The following DCC variants were observed in gnomAD, a reference collection of about 807,000 sequenced individuals.
The protein encoded by DCC is netrin receptor DCC.
DCC carries 58 observed loss-of-function variants against 172.5 expected under a neutral mutation model. The ratio of observed to expected loss-of-function variants is 0.34; its 90% confidence interval spans 0.27 to 0.42. DCC has a LOEUF of 0.42. Ranked by LOEUF, DCC falls within the 10% of genes least tolerant of loss-of-function variation. The pLI is 1.00. For missense variants in DCC, 1,740 were observed against 1,791.0 expected, an observed-to-expected ratio of 0.97 and a Z score of 0.51; for synonymous variants, 709 against 644.5, an observed-to-expected ratio of 1.10 and a Z score of -1.52.
intron 24 of DCC, among the ~76,000 whole-genome samples, chr18:53,459,910 G>A (rs933847267): frequency 5.9e-5 from 9 of 151,870 alleles, no homozygotes; most frequent in Non-Finnish European, 2.9e-5. Flanking sequence ...CAGGGCACTT[G>A]AAGTACAAAA....
intron 1 of DCC, among the ~76,000 whole-genome samples, chr18:52,455,037 T>C (rs1429466769): frequency 6.6e-6 from 1 of 152,206 alleles, no homozygotes; most frequent in African/African-American, 2.4e-5. Context: ...AGCATTAAAC[T>C]ATATATTATG....
chr18:52,601,808 C>G (rs1004465010), intron 1 of DCC, among the ~76,000 whole-genome samples: 1 of 152,070 alleles, frequency 6.6e-6, no homozygotes, highest in African/African-American at 2.4e-5. Context: ...TTGCTTCCGT[C>G]TTATGCAGGA....
intron 25 of DCC, among the ~76,000 whole-genome samples, chr18:53,484,919 T>C (rs1334794837): frequency 6.6e-6 from 1 of 152,050 alleles, no homozygotes; most frequent in East Asian, 1.9e-4. Context: ...GAAATATATG[T>C]GTGAAATAAT....
chr18:53,383,194 T>C (rs1424099499), intron 15 of DCC, among the ~76,000 whole-genome samples: 1 of 152,060 alleles, frequency 6.6e-6, no homozygotes, highest in Non-Finnish European at 1.5e-5. Flanking sequence ...TCTCGTTGTC[T>C]CTATTTTATC....
chr18:53,110,629 C>T (rs889895280), intron 7 of DCC, among the ~76,000 whole-genome samples: 5 of 150,336 alleles, frequency 3.3e-5, no homozygotes, highest in Non-Finnish European at 5.9e-5. Flanking sequence ...ATTTATGCAG[C>T]CAAAAAACAC....
intron 1 of DCC, among the ~76,000 whole-genome samples, chr18:52,650,843 T>C (rs1012541484): frequency 2.0e-5 from 3 of 152,200 alleles, no homozygotes; most frequent in Admixed American, 6.5e-5. Flanking sequence ...AGTGACAAAA[T>C]ACTTGTTGTC....
chr18:52,823,998 T>A (rs2038458936), intron 2 of DCC, among the ~76,000 whole-genome samples: 1 of 152,158 alleles, frequency 6.6e-6, no homozygotes, highest in Non-Finnish European at 1.5e-5. Context: ...TAAGGAAACA[T>A]GCTCGCTAAA....
chr18:52,508,973 A>G (rs1145259), intron 1 of DCC, among the ~76,000 whole-genome samples: 54,889 of 151,850 alleles, frequency 0.36, 10,086 homozygotes, highest in African/African-American at 0.38. Flanking sequence ...CACTGACTGA[A>G]ATGCGGGTCT....
At chr18:52,448,024 A>G (rs1364121642) in intron 1 of DCC, among the ~76,000 whole-genome samples, 1 of 152,150 alleles carries the variant, frequency 6.6e-6, no homozygotes, top group East Asian at 1.9e-4. Flanking sequence ...ATTCTAGTCC[A>G]GGGGTCCACA....
At chr18:52,472,624 C>T (rs896872619) in intron 1 of DCC, among the ~76,000 whole-genome samples, 5 of 152,270 alleles carry the variant, frequency 3.3e-5, no homozygotes, top group African/African-American at 1.2e-4. Context: ...CCCTTAAGGC[C>T]AGCAGCAGTG....
chr18:52,369,460 T>G (rs1328634802), intron 1 of DCC, among the ~76,000 whole-genome samples: 4 of 147,804 alleles, frequency 2.7e-5, no homozygotes, highest in South Asian at 2.1e-4. Flanking sequence ...TTGTGTTGAG[T>G]GTGCATGGGT....
At chr18:52,851,410 G>C (rs751445433) in intron 2 of DCC, among the ~76,000 whole-genome samples, 5 of 152,018 alleles carry the variant, frequency 3.3e-5, no homozygotes, top group Non-Finnish European at 7.4e-5. Flanking sequence ...AATTCTGTTT[G>C]TGAATGACTT....
chr18:53,441,419 AT>A (rs915597087), intron 22 of DCC, among the ~76,000 whole-genome samples: 7 of 152,088 alleles, frequency 4.6e-5, no homozygotes, highest in African/African-American at 1.7e-4. Context: ...CCAAATGTAT[AT>A]CATTAATGCA....
intron 7 of DCC, among the ~76,000 whole-genome samples, chr18:53,137,935 C>A (rs1051451816): frequency 6.6e-6 from 1 of 151,744 alleles, no homozygotes; most frequent in Admixed American, 6.6e-5. Flanking sequence ...CCCACCTCAG[C>A]TTCCCCAGTA....
At chr18:52,692,692 A>G (rs541748976) in intron 1 of DCC, among the ~76,000 whole-genome samples, 1 of 152,236 alleles carries the variant, frequency 6.6e-6, no homozygotes, top group African/African-American at 2.4e-5. Flanking sequence ...TTGGTCTCCC[A>G]AAGAATTGGG....
At chr18:52,923,895 T>G (rs1449728619) in intron 4 of DCC, 38 bp downstream of exon 4, 1 of 1,453,680 alleles carries the variant, frequency 6.9e-7, no homozygotes, top group African/African-American at 1.4e-5. Context: ...AAGTGTACTT[T>G]TGTATGGTAT....
intron 1 of DCC, among the ~76,000 whole-genome samples, chr18:52,674,951 C>T (rs1021049890): frequency 3.9e-5 from 6 of 152,176 alleles, no homozygotes; most frequent in Non-Finnish European, 7.4e-5. Flanking sequence ...CTATTCTCTA[C>T]GAAGCCTACT....
At chr18:52,511,868 G>A (rs1294258917) in intron 1 of DCC, among the ~76,000 whole-genome samples, 2 of 152,168 alleles carry the variant, frequency 1.3e-5, no homozygotes, top group Non-Finnish European at 2.9e-5. Context: ...CTAACATGCT[G>A]TCTTTCCCAT....
At chr18:52,836,486 C>A (rs2038706695) in intron 2 of DCC, among the ~76,000 whole-genome samples, 1 of 152,198 alleles carries the variant, frequency 6.6e-6, no homozygotes, top group African/African-American at 2.4e-5. Flanking sequence ...GGTAAATACA[C>A]CTGTTCCAAA....
Sources: gnomAD v4.1 joint callset for allele counts (sites outside exome capture counted in the v4.1 genomes callset) on GRCh38, gnomAD v4.1.1 for gene constraint, MANE v1.5 for transcripts, NCBI Gene and HGNC (gene_info 2026-07-23, HGNC 2026-07-21) for gene names.